DCC: variants seen among roughly 807,000 people sequenced by gnomAD.
DCC encodes the protein netrin receptor DCC.
A neutral mutation model predicts 172.5 loss-of-function variants in DCC; 58 were observed. The observed-to-expected ratio is 0.34, with a 90% CI of 0.27 to 0.42. DCC has a LOEUF of 0.42. Among genes scored for constraint, DCC ranks in the 10% least tolerant of loss-of-function variants. The pLI, the probability that DCC is intolerant of heterozygous loss-of-function variation, is 1.00. For missense variants in DCC, 1,740 were observed against 1,791.0 expected (o/e 0.97, Z 0.51); for synonymous variants, 709 against 644.5 (o/e 1.10, Z -1.52).
intron 1 of DCC, among the ~76,000 whole-genome samples, chr18:52,714,612 CT>C (rs910503125): frequency 1.6e-4 from 25 of 152,138 alleles, no homozygotes; most frequent in South Asian, 4.1e-4. Flanking sequence ...GGATAAGCAT[CT>C]CATCCATTTG....
intron 1 of DCC, among the ~76,000 whole-genome samples, chr18:52,693,003 A>C (rs1377914275): frequency 6.6e-6 from 1 of 152,092 alleles, no homozygotes; most frequent in Non-Finnish European, 1.5e-5. Flanking sequence ...ATAGGCTGTG[A>C]CCTTGTTCAC....
chr18:52,994,913 T>C (rs1352491609), intron 5 of DCC, among the ~76,000 whole-genome samples: 1 of 152,180 alleles, frequency 6.6e-6, no homozygotes, highest in Non-Finnish European at 1.5e-5. Flanking sequence ...ATTTATTCAG[T>C]AATAGTCATG....
chr18:52,459,792 G>A (rs2144535148), intron 1 of DCC, among the ~76,000 whole-genome samples: 1 of 151,988 alleles, frequency 6.6e-6, no homozygotes, highest in Non-Finnish European at 1.5e-5. Context: ...TTCTGTTCCT[G>A]CATTAGTTTG....
chr18:52,784,933 G>GA (rs1568101623), intron 2 of DCC, among the ~76,000 whole-genome samples: 17 of 138,840 alleles, frequency 1.2e-4, no homozygotes, highest in African/African-American at 4.8e-4. Context: ...AAGAGAAGGG[G>GA]GGAGAGAGAG....
rs548380431 is a variant in DCC at position 53,525,990 on chromosome 18, A to G, written c.4112-627A>G. ...CAGCCCTTATGTATAGGAAACAGAA[A>G]TATCATCTATTTGATACTCAGCAGT... On this transcript the variant is annotated intron_variant, in intron 27 of 28. Coordinates refer to ENST00000442544, the MANE Select transcript of DCC (RefSeq NM_005215.4). 4.6e-5 allele frequency among the ~76,000 whole-genome samples: 7 copies of G among 152,276 alleles called. 1 individual carries two copies. In the South Asian group the frequency reaches 1.4e-3, roughly 32 times the overall value.
At chr18:53,048,491 G>T (rs1458039807) in intron 5 of DCC, among the ~76,000 whole-genome samples, 3 of 50,622 alleles carry the variant, frequency 5.9e-5, no homozygotes, top group Non-Finnish European at 9.7e-5. Flanking sequence ...TCCATGGTTT[G>T]TGTGTGTGTG....
chr18:52,704,833 T>C (rs2036179131), intron 1 of DCC, among the ~76,000 whole-genome samples: 1 of 152,154 alleles, frequency 6.6e-6, no homozygotes, highest in South Asian at 2.1e-4. Context: ...GGAGGAGACT[T>C]TTGAGGATTT....
chr18:52,540,828 G>A (rs2144701729), intron 1 of DCC, among the ~76,000 whole-genome samples: 1 of 151,994 alleles, frequency 6.6e-6, no homozygotes, highest in African/African-American at 2.4e-5. Flanking sequence ...GGATGGTCTT[G>A]ATCTCCTGAC....
At chr18:52,584,770 C>T (rs531117786) in intron 1 of DCC, among the ~76,000 whole-genome samples, 1 of 151,720 alleles carries the variant, frequency 6.6e-6, no homozygotes, top group African/African-American at 2.4e-5. Context: ...GAGCTCCTGG[C>T]TTCAAGCAAT....
intron 12 of DCC, among the ~76,000 whole-genome samples, chr18:53,222,451 C>G (rs542613982): frequency 7.5e-6 from 1 of 134,000 alleles, no homozygotes; most frequent in East Asian, 2.1e-4. Flanking sequence ...GTGGTGTGAT[C>G]TCAGCTCACT....
At chr18:52,367,744 A>C (rs1469345677) in intron 1 of DCC, among the ~76,000 whole-genome samples, 1 of 152,330 alleles carries the variant, frequency 6.6e-6, no homozygotes, top group Admixed American at 6.5e-5. Flanking sequence ...GGTGCAGAGA[A>C]TCTGAAGCAG....
intron 1 of DCC, among the ~76,000 whole-genome samples, chr18:52,408,205 G>A (rs1024333642): frequency 1.3e-5 from 2 of 152,020 alleles, no homozygotes; most frequent in Non-Finnish European, 2.9e-5. Flanking sequence ...ACTAGTATGA[G>A]ACTAGTTTAG....
chr18:53,440,638 T>G (rs1912216424), intron 22 of DCC, among the ~76,000 whole-genome samples: 1 of 152,082 alleles, frequency 6.6e-6, no homozygotes, highest in African/African-American at 2.4e-5. Context: ...TCAGCAGAAA[T>G]CTTAATGCAA....
At chr18:53,027,571 A>G (rs182684550) in intron 5 of DCC, among the ~76,000 whole-genome samples, 1 of 152,202 alleles carries the variant, frequency 6.6e-6, no homozygotes, top group Admixed American at 6.5e-5. Context: ...GTAGGAGAAA[A>G]CCCAGGTAAA....
Position 53,092,984 on chromosome 18 carries a change from A to G in DCC, c.1261+26818A>G, listed in dbSNP as rs539188218. 8.6e-5 allele frequency among the ~76,000 whole-genome samples: 13 copies of G among 151,956 alleles called. No homozygotes were observed. In the South Asian group the frequency reaches 2.7e-3, roughly 32 times the overall value. Reference sequence around the variant, plus strand: ...AACAACTGCATTACTATTTAAAAAAAAGTGGGCCAGGTGTAATGACTTATG... The same window carrying G: ...AACAACTGCATTACTATTTAAAAAAGAGTGGGCCAGGTGTAATGACTTATG... On this transcript the variant is annotated intron_variant, in intron 7 of 28. Transcript: ENST00000442544.
At chr18:53,529,365 T>G (rs1480613157) in intron 28 of DCC, among the ~76,000 whole-genome samples, 4 of 152,178 alleles carry the variant, frequency 2.6e-5, no homozygotes, top group African/African-American at 9.6e-5. Context: ...TGCTAAGGAA[T>G]GTGTCTTGGC....
At chr18:52,544,841 A>G (rs1272527837) in intron 1 of DCC, among the ~76,000 whole-genome samples, 1 of 152,174 alleles carries the variant, frequency 6.6e-6, no homozygotes, top group Non-Finnish European at 1.5e-5. Flanking sequence ...GTTTGGCACA[A>G]CAGGTAGCAG....
chr18:53,517,316 G>A (rs2046346233), intron 27 of DCC, among the ~76,000 whole-genome samples: 1 of 151,452 alleles, frequency 6.6e-6, no homozygotes, highest in Non-Finnish European at 1.5e-5. Context: ...GGGGAGGCGG[G>A]AGGAATAGCA....
intron 1 of DCC, among the ~76,000 whole-genome samples, chr18:52,497,817 C>G (rs2030861554): frequency 6.6e-6 from 1 of 152,098 alleles, no homozygotes; most frequent in African/African-American, 2.4e-5. Flanking sequence ...AAAACTCCAA[C>G]CCAGATATAA....
Sources: allele counts gnomAD v4.1 joint callset (sites outside exome capture counted in the v4.1 genomes callset), GRCh38; gene constraint gnomAD v4.1.1; transcripts MANE v1.5; gene names NCBI Gene and HGNC (gene_info 2026-07-23, HGNC 2026-07-21).